USP32: variants seen among roughly 807,000 people sequenced by gnomAD.
USP32 encodes ubiquitin carboxyl-terminal hydrolase 32.
USP32 carries 59 observed loss-of-function variants against 204.8 expected under a neutral mutation model. The ratio of observed to expected loss-of-function variants is 0.29; its 90% CI spans 0.23 to 0.36. The LOEUF (loss-of-function observed/expected upper bound fraction) is 0.36, where lower values mean the gene tolerates loss of function less well. Ranked by LOEUF, USP32 falls within the 10% of genes least tolerant of loss-of-function variation. The pLI, the probability that USP32 is intolerant of heterozygous loss-of-function variation, is 1.00. For missense variants in USP32, 1,160 were observed against 1,946.4 expected (o/e 0.60, Z 7.60); for synonymous variants, 517 against 678.4 (o/e 0.76, Z 3.70).
At chr17:60,255,298 CTTTT>C (rs747340163) in intron 9 of USP32, 40 bp from the exon 10 acceptor site, 2,373 of 1,091,746 alleles carry the variant, frequency 2.2e-3, no homozygotes, top group Non-Finnish European at 2.2e-3. Flanking sequence ...TCTTTTTTTT[CTTTT>C]TTTTTTTTTT....
Position 60,183,186 on chromosome 17 carries a change from T to C in USP32, c.4102A>G (p.Asn1368Asp), listed in dbSNP as rs1320458100. Residue 1368 changes from asparagine (N) to aspartate (D), a missense_variant, in exon 31 of 34, where the codon AAC becomes GAC. Coordinates refer to ENST00000300896, the MANE Select transcript of USP32 (RefSeq NM_032582.4). ...LSKSPSSLSA[N>D]IISSPKGSPS... is the part of the protein sequence containing the mutation. ...TCACCTTTCGGGCTGCTGATGATGT[T>C]AGCGCTGAGTGAGGATGGGCTTTTG... 6.2e-7 allele frequency: 1 copy of C among 1,613,608 alleles called. No individual in the cohort carries two copies. The highest frequency in any genetic ancestry group is 1.3e-5 in the African/African-American group (1 of 74,922).
chr17:60,311,656 C>G (rs2087857573), intron 2 of USP32, among the ~76,000 whole-genome samples: 1 of 152,144 alleles, frequency 6.6e-6, no homozygotes, highest in South Asian at 2.1e-4. Context: ...AACCCTGTCT[C>G]TACTAAAAAT....
chr17:60,213,958 T>C (rs1286482428), intron 17 of USP32, among the ~76,000 whole-genome samples: 1 of 151,972 alleles, frequency 6.6e-6, no homozygotes, highest in Non-Finnish European at 1.5e-5. Context: ...TTTTTTTTTT[T>C]TAAAGATGGA....
At chr17:60,414,736 G>A (rs1047742772) in intron 1 of USP32, among the ~76,000 whole-genome samples, 48 of 152,034 alleles carry the variant, frequency 3.2e-4, no homozygotes, top group African/African-American at 1.0e-3. Context: ...GCCAGTTATT[G>A]TTTTAAACTA....
chr17:60,211,127 T>C lies in USP32; in HGVS notation c.2319-9A>G, dbSNP rs2586314. 1.9e-6 allele frequency: 3 copies of C among 1,606,020 alleles called. No homozygotes were observed. Among genetic ancestry groups the C allele is most frequent in the Non-Finnish European group, 1.7e-6 (2 of 1,175,664 alleles). ...TACCAATGGGATTTGTCCTAGAAGT[T>C]TGAGAGGAAAATTTGTTGCCAAAGA... On this transcript the variant is annotated splice_polypyrimidine_tract_variant and intron_variant, in intron 20 of 33. Coordinates refer to ENST00000300896, the MANE Select transcript of USP32 (RefSeq NM_032582.4).
intron 11 of USP32, among the ~76,000 whole-genome samples, chr17:60,244,565 G>T (rs2085964258): frequency 1.3e-5 from 2 of 152,108 alleles, no homozygotes. Flanking sequence ...TATTTTGGGG[G>T]ATCATTTTCT....
chr17:60,205,581 G>A lies in USP32; in HGVS notation c.3115C>T (p.Pro1039Ser), dbSNP rs756983439. Residue 1039 changes from proline (P) to serine (S), a missense_variant, in exon 26 of 34, where the codon CCC (proline) becomes TCC (serine). Transcript: ENST00000300896. ...NGDLPRPIFIPNGMPNTVVPC... is the reference protein window; with the variant it reads ...NGDLPRPIFISNGMPNTVVPC... ...ACAACAGTGTTTGGCATTCCATTGG[G>A]GATGAATATTGGTCGGGGTAGGTCC... 6 of 1,613,912 alleles carry A rather than the reference G, an allele frequency of 3.7e-6. No individual in the cohort carries two copies. Among genetic ancestry groups the A allele is most frequent in the Middle Eastern group, 1.7e-4 (1 of 6,056 alleles).
intron 1 of USP32, among the ~76,000 whole-genome samples, chr17:60,355,450 T>G (rs1306763150): frequency 6.6e-6 from 1 of 152,078 alleles, no homozygotes; most frequent in Non-Finnish European, 1.5e-5. Flanking sequence ...CCTCTGAAAA[T>G]CCATTCTTCT....
chr17:60,395,013 G>A (rs2089891043), upstream of USP32, among the ~76,000 whole-genome samples: 1 of 152,120 alleles, frequency 6.6e-6, no homozygotes, highest in South Asian at 2.1e-4. Flanking sequence ...CAAAGTACTG[G>A]GATTAGAGGC....
At chr17:60,239,437 TAA>T (rs986018740) in intron 11 of USP32, among the ~76,000 whole-genome samples, 4 of 152,212 alleles carry the variant, frequency 2.6e-5, no homozygotes, top group African/African-American at 9.6e-5. Context: ...TCTCCTTTCC[TAA>T]GATTCTTATG....
At chr17:60,381,586 G>A (rs1420443469) in intron 1 of USP32, among the ~76,000 whole-genome samples, 3 of 152,064 alleles carry the variant, frequency 2.0e-5, no homozygotes, top group Non-Finnish European at 4.4e-5. Flanking sequence ...TGGAAGGTAC[G>A]TATGCCCTAT....
intron 2 of USP32, among the ~76,000 whole-genome samples, chr17:60,302,507 T>C (rs2087609469): frequency 6.6e-6 from 1 of 152,228 alleles, no homozygotes; most frequent in African/African-American, 2.4e-5. Context: ...GTGTATGAAA[T>C]GCCTTTTCAA....
chr17:60,190,564 C>G lies in USP32; in HGVS notation c.3641G>C (p.Arg1214Thr). 6.3e-7 allele frequency: 1 copy of G among 1,575,380 alleles called. No individual in the cohort carries two copies. Among genetic ancestry groups the G allele is most frequent in the Non-Finnish European group, 8.6e-7 (1 of 1,167,708 alleles). Reference protein sequence around the residue: ...LHLRYQTSQERVVDEHESVEQ... With the variant: ...LHLRYQTSQETVVDEHESVEQ... ...TTTATGGTGGCCCTAAATACTTACC[C>G]TTTCCTGGGATGTTTGATAGCGAAG... The change falls in exon 29 of 34, where the codon AGG (arginine) becomes ACG (threonine). Residue 1214 changes from arginine (R) to threonine (T), a missense_variant and splice_region_variant. By Grantham distance (71) the Arg-to-Thr change is moderately conservative (BLOSUM62 -1). Around this residue, in one of 8 missense-constraint regions of USP32, gnomAD observed 160 missense variants for 322.5 expected, o/e 0.50. Transcript: ENST00000300896.
intron 9 of USP32, among the ~76,000 whole-genome samples, chr17:60,260,178 C>T (rs923643657): frequency 1.3e-5 from 2 of 152,050 alleles, no homozygotes; most frequent in African/African-American, 4.8e-5. Context: ...ATTAGTATTC[C>T]TCTTGCCTTT....
intron 11 of USP32, among the ~76,000 whole-genome samples, chr17:60,236,675 ACAAT>A (rs2085735018): frequency 6.6e-6 from 1 of 152,232 alleles, no homozygotes; most frequent in African/African-American, 2.4e-5. Context: ...AACCAACACC[ACAAT>A]CAGTTTGAGA....
At chr17:60,346,503 G>C (rs957493872) in intron 1 of USP32, among the ~76,000 whole-genome samples, 10 of 152,044 alleles carry the variant, frequency 6.6e-5, no homozygotes, top group Admixed American at 6.6e-4. Context: ...TATTTAAAAA[G>C]AAAATAGTTC....
chr17:60,419,489 C>A (rs2090088774), intron 1 of USP32, among the ~76,000 whole-genome samples: 1 of 152,080 alleles, frequency 6.6e-6, no homozygotes, highest in Non-Finnish European at 1.5e-5. Flanking sequence ...GTAATCCCAG[C>A]ACTTTGGGAG....
intron 2 of USP32, among the ~76,000 whole-genome samples, chr17:60,307,646 C>G (rs1227168357): frequency 1.3e-5 from 2 of 152,056 alleles, no homozygotes; most frequent in African/African-American, 4.8e-5. Flanking sequence ...GGTACTGATA[C>G]AGGAGCAGGG....
chr17:60,226,645 T>C (rs2085399500), intron 12 of USP32, among the ~76,000 whole-genome samples: 1 of 152,208 alleles, frequency 6.6e-6, no homozygotes, highest in Non-Finnish European at 1.5e-5. Flanking sequence ...AAATATCACA[T>C]GTACTCAGAT....
Sources: gnomAD v4.1 joint callset for allele counts (sites outside exome capture counted in the v4.1 genomes callset) on GRCh38, gnomAD v4.1.1 for gene constraint, gnomAD v4.1.1 regional missense constraint, MANE v1.5 for transcripts, NCBI Gene and HGNC (gene_info 2026-07-23, HGNC 2026-07-21) for gene names.